Variants in SYNJ2BP observed in about 807,000 individuals in gnomAD.
The protein encoded by SYNJ2BP is synaptojanin 2 binding protein.
A neutral mutation model predicts 16.9 loss-of-function variants in SYNJ2BP; 10 were observed. The observed-to-expected ratio is 0.59, with a 90% confidence interval of 0.36 to 1.00. SYNJ2BP has a LOEUF of 1.00. Among genes scored for constraint, SYNJ2BP ranks in the 50% least tolerant of loss-of-function variants. The pLI is 0.01. For synonymous variants in SYNJ2BP, 54 were observed against 68.4 expected (o/e 0.79, Z 1.04); for missense variants, 162 against 186.7 (o/e 0.87, Z 0.77).
intron 1 of SYNJ2BP, among the ~76,000 whole-genome samples, chr14:70,410,223 T>C (rs577920799): frequency 6.6e-6 from 1 of 152,258 alleles, no homozygotes; most frequent in African/African-American, 2.4e-5. Flanking sequence ...GAGACCAGCC[T>C]GGGCAACATG....
rs1887628090 is a variant in SYNJ2BP at position 70,376,275 on chromosome 14, A to G, written c.202-504T>C. On this transcript the variant is annotated intron_variant, in intron 2 of 3. Coordinates refer to ENST00000256366, the MANE Select transcript of SYNJ2BP (RefSeq NM_018373.3). ...TTCTATTGGGCTTTTCATAGTGAAC[A>G]ACTTCCTGTGATTCCACGGATACTC... is the stretch of plus-strand genomic sequence containing the variant. Among the ~76,000 whole-genome samples, 2 of 152,240 alleles carry G rather than the reference A, an allele frequency of 1.3e-5. 1 individual carries two copies. Among genetic ancestry groups the G allele is most frequent in the South Asian group, 4.1e-4 (2 of 4,836 alleles).
chr14:70,380,824 A>G (rs1887733557), intron 2 of SYNJ2BP, among the ~76,000 whole-genome samples: 1 of 152,128 alleles, frequency 6.6e-6, no homozygotes. Flanking sequence ...GATATGACTG[A>G]TTTACTTCTT....
intron 1 of SYNJ2BP, among the ~76,000 whole-genome samples, chr14:70,390,387 G>C (rs1480308318): frequency 6.6e-6 from 1 of 151,652 alleles, no homozygotes; most frequent in Non-Finnish European, 1.5e-5. Flanking sequence ...ATATGCGGGG[G>C]GCCGGGCGCG....
chr14:70,380,841 C>T (rs1302496417), intron 2 of SYNJ2BP, among the ~76,000 whole-genome samples: 7 of 152,032 alleles, frequency 4.6e-5, no homozygotes, highest in Admixed American at 4.6e-4. Flanking sequence ...TCTTTGAATA[C>T]TCTGTAACTC....
intron 1 of SYNJ2BP, among the ~76,000 whole-genome samples, chr14:70,409,705 A>G (rs1421189711): frequency 1.3e-5 from 2 of 152,156 alleles, no homozygotes; most frequent in Non-Finnish European, 2.9e-5. Flanking sequence ...ATCCATCATA[A>G]TACAATGTGT....
At chr14:70,375,532 A>G (rs1887611320) in intron 3 of SYNJ2BP, 144 bp downstream of exon 3, 2 of 1,060,094 alleles carry the variant, frequency 1.9e-6, no homozygotes, top group Non-Finnish European at 2.6e-6. Context: ...AGAAGTACCA[A>G]TGGACCCCTC....
At chr14:70,392,707 T>C (rs746494377) in intron 1 of SYNJ2BP, among the ~76,000 whole-genome samples, 2 of 152,188 alleles carry the variant, frequency 1.3e-5, no homozygotes, top group African/African-American at 4.8e-5. Context: ...CTCAAACTTA[T>C]TAAGTACGTC....
At chr14:70,382,192 C>T (rs371845231) in intron 2 of SYNJ2BP, among the ~76,000 whole-genome samples, 2 of 152,084 alleles carry the variant, frequency 1.3e-5, no homozygotes, top group African/African-American at 4.8e-5. Context: ...GCTGAGATTG[C>T]GCCGATGCAT....
chr14:70,407,889 T>C (rs1048640323), intron 1 of SYNJ2BP, among the ~76,000 whole-genome samples: 1 of 152,210 alleles, frequency 6.6e-6, no homozygotes, highest in African/African-American at 2.4e-5. Context: ...CATTACCCTA[T>C]TGCAATATTC....
chr14:70,403,293 A>T (rs573924670), intron 1 of SYNJ2BP, among the ~76,000 whole-genome samples: 3 of 152,326 alleles, frequency 2.0e-5, no homozygotes, highest in African/African-American at 7.2e-5. Flanking sequence ...TGTCATGTGT[A>T]TGTGATACTT....
At chr14:70,397,622 G>A (rs1401906394) in intron 1 of SYNJ2BP, among the ~76,000 whole-genome samples, 2 of 152,198 alleles carry the variant, frequency 1.3e-5, no homozygotes, top group African/African-American at 4.8e-5. Context: ...GAACACGATG[G>A]CATCTGGAAG....
intron 1 of SYNJ2BP, among the ~76,000 whole-genome samples, chr14:70,409,934 A>G (rs1888433654): frequency 1.4e-5 from 2 of 145,604 alleles, no homozygotes; most frequent in African/African-American, 5.2e-5. Flanking sequence ...ACATAGTGAG[A>G]TCTCGTCTCT....
At chr14:70,395,462 T>C (rs77343646) in intron 1 of SYNJ2BP, among the ~76,000 whole-genome samples, 8,002 of 149,752 alleles carry the variant, frequency 0.053, 271 homozygotes, top group Middle Eastern at 0.099. Context: ...TCAATCAAAC[T>C]CCATTGGATA....
intron 1 of SYNJ2BP, among the ~76,000 whole-genome samples, chr14:70,412,191 A>G (rs540211685): frequency 1.3e-5 from 2 of 152,324 alleles, no homozygotes; most frequent in African/African-American, 4.8e-5. Flanking sequence ...GTCATTTAAG[A>G]TGCCTCAAAT....
intron 3 of SYNJ2BP, among the ~76,000 whole-genome samples, chr14:70,373,783 T>C (rs1887568025): frequency 2.0e-5 from 3 of 152,242 alleles, no homozygotes; most frequent in African/African-American, 7.2e-5. Context: ...TATAATTTTC[T>C]ATTGGCTAAG....
rs756227921 is a variant in SYNJ2BP, at chr14:70,375,668, A to T, written c.297+8T>A. 1 of 1,609,428 alleles carries T rather than the reference A, an allele frequency of 6.2e-7. No homozygotes were observed. The highest frequency in any genetic ancestry group is 8.5e-7 in the Non-Finnish European group (1 of 1,178,568). On this transcript the variant is annotated splice_region_variant and intron_variant, in intron 3 of 3. Transcript: ENST00000256366. ...GGTGCCAGGTTTCTGGCTCAAAGTG[A>T]TACCTACCCTGTGCTGCACTCTCAG...
chr14:70,387,280 T>C (rs1032407081), intron 2 of SYNJ2BP, among the ~76,000 whole-genome samples: 14 of 152,240 alleles, frequency 9.2e-5, no homozygotes, highest in African/African-American at 3.4e-4. Flanking sequence ...TATCTCCAAC[T>C]ATACTCCCTT....
chr14:70,407,421 C>T (rs1377291630), intron 1 of SYNJ2BP, among the ~76,000 whole-genome samples: 4 of 135,616 alleles, frequency 2.9e-5, no homozygotes, highest in African/African-American at 1.0e-4. Flanking sequence ...CAGAGCGAGA[C>T]TCCGTCTCAA....
intron 1 of SYNJ2BP, among the ~76,000 whole-genome samples, chr14:70,410,029 GACC>G (rs1238203107): frequency 6.6e-6 from 1 of 151,950 alleles, no homozygotes; most frequent in Non-Finnish European, 1.5e-5. Flanking sequence ...GAGGCAGGAG[GACC>G]ACCTGAGCCC....
Sources: gnomAD v4.1 joint callset for allele counts (sites outside exome capture counted in the v4.1 genomes callset) on GRCh38, gnomAD v4.1.1 for gene constraint, MANE v1.5 for transcripts, NCBI Gene and HGNC (gene_info 2026-07-23, HGNC 2026-07-21) for gene names.